The following TMEFF2 variants were observed in gnomAD, a reference collection of about 807,000 sequenced individuals.
The protein encoded by TMEFF2 is tomoregulin-2.
Under a neutral mutation model 53.8 loss-of-function variants are expected in TMEFF2, and 28 were observed. That is an observed-to-expected ratio of 0.52 (90% CI 0.39 to 0.71). The LOEUF is 0.71. Among genes scored for constraint, TMEFF2 ranks in the 30% least tolerant of loss-of-function variants. TMEFF2 has a pLI of 0.00. For synonymous variants in TMEFF2, 162 were observed against 166.3 expected (o/e 0.97, Z 0.20); for missense variants, 353 against 455.2 (o/e 0.78, Z 2.04).
At chr2:192,011,468 C>G (rs1188206501) in intron 5 of TMEFF2, among the ~76,000 whole-genome samples, 1 of 152,216 alleles carries the variant, frequency 6.6e-6, no homozygotes, top group Non-Finnish European at 1.5e-5. Flanking sequence ...GCTGGATAAA[C>G]AATTGATATT....
intron 4 of TMEFF2, among the ~76,000 whole-genome samples, chr2:192,072,687 T>C (rs140321100): frequency 6.6e-6 from 1 of 152,118 alleles, no homozygotes; most frequent in East Asian, 1.9e-4. Context: ...GCAACTGATT[T>C]TGTCTCTATA....
intron 4 of TMEFF2, among the ~76,000 whole-genome samples, chr2:192,154,957 T>C (rs986955362): frequency 2.0e-5 from 3 of 151,934 alleles, no homozygotes; most frequent in African/African-American, 4.8e-5. Context: ...ATAAAACTTA[T>C]AAGATCTTTA....
intron 5 of TMEFF2, among the ~76,000 whole-genome samples, chr2:192,042,159 C>T (rs1453986912): frequency 1.3e-5 from 2 of 151,894 alleles, no homozygotes; most frequent in African/African-American, 2.4e-5. Context: ...CGAGATCACA[C>T]CACTGAACTC....
chr2:192,189,438 G>A (rs929753050), intron 2 of TMEFF2, among the ~76,000 whole-genome samples: 8 of 150,896 alleles, frequency 5.3e-5, no homozygotes, highest in East Asian at 2.0e-4. Flanking sequence ...CCAGCTACTC[G>A]GGAGGCTGAG....
At chr2:192,165,938 T>G (rs553600819) in intron 4 of TMEFF2, among the ~76,000 whole-genome samples, 25 of 152,202 alleles carry the variant, frequency 1.6e-4, no homozygotes, top group Middle Eastern at 3.4e-3. Context: ...ACAAATACAG[T>G]TTTTGAAACA....
chr2:192,135,600 TACC>T (rs1336867023), intron 4 of TMEFF2, among the ~76,000 whole-genome samples: 1 of 152,018 alleles, frequency 6.6e-6, no homozygotes, highest in East Asian at 1.9e-4. Context: ...TCTCTCTCCA[TACC>T]ACCCCCCAAA....
intron 7 of TMEFF2, among the ~76,000 whole-genome samples, chr2:191,973,342 T>G (rs1692702557): frequency 6.6e-6 from 1 of 152,106 alleles, no homozygotes; most frequent in Admixed American, 6.6e-5. Context: ...TTTGTAGCTC[T>G]TATTTTGTTT....
At chr2:191,982,968 T>C (rs1685888742) in intron 7 of TMEFF2, among the ~76,000 whole-genome samples, 1 of 152,100 alleles carries the variant, frequency 6.6e-6, no homozygotes, top group Admixed American at 6.6e-5. Context: ...GCAGTAGAAA[T>C]GGGAGTCCGA....
intron 4 of TMEFF2, among the ~76,000 whole-genome samples, chr2:192,163,052 G>A (rs923435486): frequency 6.6e-6 from 1 of 152,138 alleles, no homozygotes; most frequent in Non-Finnish European, 1.5e-5. Context: ...GGAGCACCAC[G>A]GAGGCTGAAC....
intron 4 of TMEFF2, among the ~76,000 whole-genome samples, chr2:192,064,462 A>T (rs1574340545): frequency 6.6e-6 from 1 of 151,738 alleles, no homozygotes; most frequent in Non-Finnish European, 1.5e-5. Context: ...ACTAATGAAG[A>T]CCCCTGCCAA....
At chr2:192,036,950 C>T (rs6434527) in intron 5 of TMEFF2, 150,089 of 152,268 alleles carry the variant, frequency 0.99, 74,003 homozygotes, top group East Asian at 1. Flanking sequence ...GAAAGGATGT[C>T]GTCTGCTTGC....
At chr2:191,961,295 G>A (rs1034564037) in intron 7 of TMEFF2, among the ~76,000 whole-genome samples, 2 of 152,006 alleles carry the variant, frequency 1.3e-5, no homozygotes, top group Admixed American at 6.6e-5. Context: ...ATCTTGACAC[G>A]CACATGCGAG....
chr2:192,143,272 G>A (rs1690178685), intron 4 of TMEFF2, among the ~76,000 whole-genome samples: 1 of 152,002 alleles, frequency 6.6e-6, no homozygotes, highest in Non-Finnish European at 1.5e-5. Context: ...GTTAGCAGCA[G>A]AACTGGGCAT....
In TMEFF2 at chr2:191,976,405, C is replaced by T. The variant is rs192407962; in HGVS notation, c.746-20027G>A. Among the ~76,000 whole-genome samples the T allele has an allele frequency of 1.4e-3, 215 of 152,244 alleles. 3 individuals are homozygous for T. Among genetic ancestry groups the T allele is most frequent in the African/African-American group, 4.8e-3 (201 of 41,546 alleles). On this transcript the variant is annotated intron_variant, in intron 7 of 9. Coordinates refer to ENST00000272771, the MANE Select transcript of TMEFF2 (RefSeq NM_016192.4). ...ACATCTTCACACTCTTATTTTCAAACGAATAAAAAGGAACCATTGAGAAGG... is the reference window on the plus strand; with the variant it reads ...ACATCTTCACACTCTTATTTTCAAATGAATAAAAAGGAACCATTGAGAAGG...
intron 5 of TMEFF2, among the ~76,000 whole-genome samples, 172 bp downstream of exon 5, chr2:192,057,507 A>G (rs962268904): frequency 1.3e-5 from 2 of 151,648 alleles, no homozygotes; most frequent in Admixed American, 1.3e-4. Flanking sequence ...TGGCTGGCCC[A>G]CCTCTTAATC....
chr2:191,957,921 A>G (rs1176230491), intron 7 of TMEFF2, among the ~76,000 whole-genome samples: 1 of 152,258 alleles, frequency 6.6e-6, no homozygotes, highest in Admixed American at 6.5e-5. Context: ...CTAAGAATGT[A>G]TAGAACTTTT....
At position 192,194,850 on chromosome 2, in the gene TMEFF2, G is replaced by T; in HGVS notation, c.-326C>A. 3.1e-6 allele frequency: 1 copy of T among 324,488 alleles called. No homozygotes were observed. Among genetic ancestry groups the T allele is most frequent in the Non-Finnish European group, 5.8e-6 (1 of 172,572 alleles). 20.1% of individuals were successfully genotyped at this position (324,488 alleles called of 1,614,324 possible). A position where few individuals can be genotyped will look rare whatever the true frequency, so the allele number is the denominator to read the frequency against. On this transcript the variant is annotated 5_prime_UTR_variant, in exon 1 of 10. Transcript: ENST00000272771. This position sits in a 1 kb window ranked among gnomAD's most constrained non-coding sequence, Gnocchi z 4.2. ...GGGAGTCCAGGGGCAGACGAGTGGA[G>T]CCCGAGGAGGCAGGGTGGAGGGAGA...
chr2:192,057,170 A>C (rs544959395), intron 5 of TMEFF2, among the ~76,000 whole-genome samples: 10 of 152,194 alleles, frequency 6.6e-5, no homozygotes, highest in African/African-American at 2.4e-4. Context: ...CAGCCTCCTG[A>C]GTACCTGGGA....
intron 4 of TMEFF2, among the ~76,000 whole-genome samples, chr2:192,100,321 G>A (rs1464749946): frequency 6.6e-6 from 1 of 152,148 alleles, no homozygotes; most frequent in Non-Finnish European, 1.5e-5. Flanking sequence ...CTTGCCTCAT[G>A]CCTGGGCTTT....
Sources: allele counts gnomAD v4.1 joint callset (sites outside exome capture counted in the v4.1 genomes callset), GRCh38; gene constraint gnomAD v4.1.1; non-coding constraint Gnocchi (gnomAD v3.1); transcripts MANE v1.5; gene names NCBI Gene and HGNC (gene_info 2026-07-23, HGNC 2026-07-21).